EYS: variants seen among roughly 807,000 people sequenced by gnomAD.
EYS encodes the protein protein eyes shut homolog.
Under a neutral mutation model 282.1 loss-of-function variants are expected in EYS, and 250 were observed. The observed-to-expected ratio is 0.89, with a 90% confidence interval of 0.80 to 0.98. The LOEUF (loss-of-function observed/expected upper bound fraction) is 0.98. Ranked by LOEUF, EYS falls within the 50% of genes least tolerant of loss-of-function variation. EYS has a pLI of 0.00. For synonymous variants in EYS, 1,355 were observed against 1,282.9 expected (o/e 1.06, Z -1.20); for missense variants, 4,016 against 3,709.0 (o/e 1.08, Z -2.15).
intron 19 of EYS, among the ~76,000 whole-genome samples, chr6:64,884,129 A>T (rs563197707): frequency 1.4e-4 from 21 of 151,602 alleles, no homozygotes; most frequent in African/African-American, 1.9e-4. Flanking sequence ...ATTAAGAATC[A>T]TAAACTTTCC....
At chr6:64,413,120 C>T (rs1582721480) in intron 28 of EYS, among the ~76,000 whole-genome samples, 1 of 152,108 alleles carries the variant, frequency 6.6e-6, no homozygotes, top group Non-Finnish European at 1.5e-5. Flanking sequence ...CCTTCCTCAC[C>T]TTGTGCAGCC....
chr6:65,437,310 T>TC (rs1285283064), intron 5 of EYS, among the ~76,000 whole-genome samples: 1 of 152,114 alleles, frequency 6.6e-6, no homozygotes, highest in Non-Finnish European at 1.5e-5. Context: ...ATTAGTGTTT[T>TC]TTAATGGTAA....
At chr6:64,602,384 A>T (rs1021175781) in intron 24 of EYS, among the ~76,000 whole-genome samples, 19 of 152,090 alleles carry the variant, frequency 1.2e-4, no homozygotes, top group African/African-American at 1.4e-4. Context: ...AGATGCCTTT[A>T]TATTACAAGA....
intron 12 of EYS, among the ~76,000 whole-genome samples, chr6:65,209,695 G>A (rs1455117312): frequency 6.6e-6 from 1 of 151,918 alleles, no homozygotes. Flanking sequence ...TGGAGGAAGT[G>A]CAATGCGTTA....
chr6:64,342,443 G>A (rs6899568), intron 29 of EYS, among the ~76,000 whole-genome samples: 3,738 of 151,964 alleles, frequency 0.025, 147 homozygotes, highest in African/African-American at 0.086. Context: ...TTTCAACCTA[G>A]AATTTCATAT....
chr6:65,097,184 G>T (rs1290095635), intron 12 of EYS, among the ~76,000 whole-genome samples: 1 of 150,912 alleles, frequency 6.6e-6, no homozygotes, highest in African/African-American at 2.4e-5. Context: ...AATTGGCAAA[G>T]AATCTGAATA....
At chr6:64,316,635 G>T (rs1769977128) in intron 29 of EYS, among the ~76,000 whole-genome samples, 2 of 152,080 alleles carry the variant, frequency 1.3e-5, no homozygotes, top group Non-Finnish European at 2.9e-5. Context: ...TGGCCATACT[G>T]CCCAAAGTAA....
chr6:63,887,710 T>G (rs1773300262), intron 35 of EYS, among the ~76,000 whole-genome samples: 1 of 152,230 alleles, frequency 6.6e-6, no homozygotes, highest in African/African-American at 2.4e-5. Context: ...GCCCTAGGTT[T>G]CAAGCACAAA....
At chr6:64,369,895 G>T (rs1772305812) in intron 29 of EYS, among the ~76,000 whole-genome samples, 1 of 151,910 alleles carries the variant, frequency 6.6e-6, no homozygotes, top group Non-Finnish European at 1.5e-5. Context: ...CTAAAACTTT[G>T]CCAAAGTTGT....
At chr6:64,238,089 A>T (rs1766670725) in intron 30 of EYS, among the ~76,000 whole-genome samples, 1 of 152,200 alleles carries the variant, frequency 6.6e-6, no homozygotes, top group Admixed American at 6.5e-5. Flanking sequence ...TCCACATAAT[A>T]GTGTAATTTT....
At chr6:64,448,458 A>G (rs1479767331) in intron 26 of EYS, among the ~76,000 whole-genome samples, 2 of 152,214 alleles carry the variant, frequency 1.3e-5, no homozygotes, top group East Asian at 1.9e-4. Context: ...AAAGACAGCA[A>G]TAACCTCTGC....
intron 31 of EYS, among the ~76,000 whole-genome samples, chr6:64,134,584 T>C (rs945110785): frequency 6.6e-6 from 1 of 151,944 alleles, no homozygotes; most frequent in Non-Finnish European, 1.5e-5. Flanking sequence ...CAGGGAAGTA[T>C]AATTAAGAAG....
intron 12 of EYS, among the ~76,000 whole-genome samples, chr6:65,283,629 C>T (rs1239758279): frequency 6.6e-6 from 1 of 151,742 alleles, no homozygotes; most frequent in African/African-American, 2.4e-5. Context: ...TAGAGTTACT[C>T]TGTTAACTCT....
chr6:65,610,421 G>A (rs1765956414), intron 2 of EYS, among the ~76,000 whole-genome samples: 2 of 152,018 alleles, frequency 1.3e-5, no homozygotes, highest in African/African-American at 4.8e-5. Context: ...AGGATACGCA[G>A]ATAAATTTTG....
intron 31 of EYS, among the ~76,000 whole-genome samples, chr6:64,090,666 C>G (rs74565342): frequency 0.053 from 8,005 of 152,070 alleles, 231 homozygotes; most frequent in African/African-American, 0.081. Context: ...AAACATGCCT[C>G]TAATTTTTGT....
chr6:63,866,891 G>A (rs546209676), intron 35 of EYS, among the ~76,000 whole-genome samples: 25 of 152,282 alleles, frequency 1.6e-4, no homozygotes, highest in Admixed American at 1.6e-3. Context: ...AGTTCCAAAA[G>A]ACTTCTTGGA....
intron 2 of EYS, among the ~76,000 whole-genome samples, chr6:65,581,796 TTAG>T (rs1764881113): frequency 6.6e-6 from 1 of 151,940 alleles, no homozygotes; most frequent in African/African-American, 2.4e-5. Flanking sequence ...AATAAAAAAA[TTAG>T]TAGCAAGGTA....
At position 65,477,855 on chromosome 6, in the gene EYS, G is replaced by A. The variant is rs184214323; in HGVS notation, c.862+12739C>T. 1.8e-3 allele frequency among the ~76,000 whole-genome samples: 281 copies of A among 151,978 alleles called. 1 individual carries two copies. Among genetic ancestry groups the A allele is most frequent in the Middle Eastern group, 3.4e-3 (1 of 294 alleles). Reference sequence around the variant, plus strand: ...TGGAGAGAAAGCTGTGATTCTTTTCGTTCTACACATGGCCATAAGAATGTC... The same window carrying A: ...TGGAGAGAAAGCTGTGATTCTTTTCATTCTACACATGGCCATAAGAATGTC... On this transcript the variant is annotated intron_variant, in intron 5 of 42. Coordinates refer to ENST00000503581, the MANE Select transcript of EYS (RefSeq NM_001142800.2).
intron 12 of EYS, among the ~76,000 whole-genome samples, chr6:65,084,962 G>A (rs1036693444): frequency 3.9e-5 from 6 of 152,084 alleles, no homozygotes; most frequent in South Asian, 2.1e-4. Context: ...ATATTCCTAA[G>A]GGAGAGCATC....
Sources: allele counts gnomAD v4.1 joint callset (sites outside exome capture counted in the v4.1 genomes callset), GRCh38; gene constraint gnomAD v4.1.1; transcripts MANE v1.5; gene names NCBI Gene and HGNC (gene_info 2026-07-23, HGNC 2026-07-21).